PCDHA2: variants seen among roughly 807,000 people sequenced by gnomAD.
PCDHA2 encodes the protein protocadherin alpha-2.
In PCDHA2, 58 loss-of-function variants were observed where a neutral mutation model predicts 66.0. The ratio of observed to expected loss-of-function variants is 0.88; its 90% CI spans 0.71 to 1.09. The LOEUF is 1.09. Among genes scored for constraint, PCDHA2 ranks in the 50% least tolerant of loss-of-function variants. The pLI, the probability that PCDHA2 is intolerant of heterozygous loss-of-function variation, is 0.00. For synonymous variants in PCDHA2, 634 were observed against 554.0 expected, an observed-to-expected ratio of 1.14 and a Z score of -2.03; for missense variants, 1,267 against 1,242.3, an observed-to-expected ratio of 1.02 and a Z score of -0.30.
intron 1 of PCDHA2, chr5:140,847,643 G>C (rs1219551940): frequency 6.7e-6 from 1 of 149,570 alleles, no homozygotes; most frequent in East Asian, 1.9e-4. Context: ...CTACAAAGAA[G>C]AGATTATTCA....
intron 3 of PCDHA2, among the ~76,000 whole-genome samples, chr5:140,995,476 A>G (rs2097685199): frequency 6.6e-6 from 1 of 152,210 alleles, no homozygotes; most frequent in Non-Finnish European, 1.5e-5. Flanking sequence ...TTTTTCATTT[A>G]ATATTTTCAG....
intron 1 of PCDHA2, chr5:140,858,649 AT>A: frequency 1.2e-6 from 1 of 824,582 alleles, no homozygotes; most frequent in East Asian, 2.7e-5. Flanking sequence ...TGGTACTTAA[AT>A]TTTTTTAAAT....
At chr5:140,838,290 T>TC (rs1775657451) in intron 1 of PCDHA2, among the ~76,000 whole-genome samples, 2 of 150,172 alleles carry the variant, frequency 1.3e-5, no homozygotes, top group Non-Finnish European at 3.0e-5. Flanking sequence ...ATTTTTTTTT[T>TC]TTTTTGTATT....
intron 1 of PCDHA2, chr5:140,830,393 G>T (rs1388629889): frequency 4.3e-6 from 7 of 1,614,072 alleles, no homozygotes; most frequent in African/African-American, 1.3e-5. Flanking sequence ...ACCCAAGATG[G>T]ATCTCATGGC....
At chr5:140,843,038 A>T in intron 1 of PCDHA2, 1 of 1,595,166 alleles carries the variant, frequency 6.3e-7, no homozygotes, top group Non-Finnish European at 8.6e-7. Flanking sequence ...GGTGGGTGGC[A>T]CTGGTGGCGC....
chr5:140,864,004 A>G (rs1042382501), intron 1 of PCDHA2: 4 of 153,124 alleles, frequency 2.6e-5, no homozygotes, highest in Non-Finnish European at 4.4e-5. Context: ...CTGTCTTAAA[A>G]AAAAAAGTAC....
At chr5:140,801,198 ATGT>A (rs1554121309) in intron 1 of PCDHA2, 3 of 1,594,388 alleles carry the variant, frequency 1.9e-6, no homozygotes, top group Admixed American at 1.8e-5. Context: ...AATACTTGCA[ATGT>A]TGTTCTCCTG....
intron 1 of PCDHA2, chr5:140,825,329 C>T (rs1171364068): frequency 6.9e-6 from 1 of 145,626 alleles, no homozygotes; most frequent in South Asian, 2.1e-4. Flanking sequence ...TGGAAATTTG[C>T]ATATTTTTCA....
chr5:140,841,839 G>A, intron 1 of PCDHA2: 1 of 1,613,898 alleles, frequency 6.2e-7, no homozygotes, highest in Middle Eastern at 1.6e-4. Context: ...TACAGGCTTA[G>A]CTCTCATGAT....
intron 1 of PCDHA2, chr5:140,828,238 G>C (rs2150152865): frequency 6.2e-7 from 1 of 1,613,936 alleles, no homozygotes; most frequent in African/African-American, 1.3e-5. Flanking sequence ...GCCGGATCGC[G>C]CAGGACCTGG....
intron 1 of PCDHA2, chr5:140,875,303 C>T (rs2055408923): frequency 2.1e-6 from 3 of 1,414,848 alleles, no homozygotes; most frequent in Admixed American, 2.9e-5. Context: ...TTTTTCTCCG[C>T]ACCCACATTC....
intron 1 of PCDHA2, among the ~76,000 whole-genome samples, chr5:140,916,285 G>A (rs530335868): frequency 1.2e-4 from 18 of 152,154 alleles, no homozygotes; most frequent in Non-Finnish European, 2.4e-4. Flanking sequence ...TCTACTCCAC[G>A]TGGCCAAACT....
chr5:140,946,936 A>T (rs1344601116), intron 1 of PCDHA2, among the ~76,000 whole-genome samples: 1 of 151,482 alleles, frequency 6.6e-6, no homozygotes, highest in Non-Finnish European at 1.5e-5. Context: ...AGTAGAGTGT[A>T]GTTAAGAATA....
chr5:140,991,374 G>A (rs537981449), intron 3 of PCDHA2, among the ~76,000 whole-genome samples: 2 of 152,286 alleles, frequency 1.3e-5, no homozygotes, highest in South Asian at 4.1e-4. Context: ...TGAGTTCTAG[G>A]CCAACTGTAG....
chr5:140,832,274 T>C (rs1771890474), intron 1 of PCDHA2, among the ~76,000 whole-genome samples: 1 of 152,194 alleles, frequency 6.6e-6, no homozygotes, highest in Admixed American at 6.5e-5. Flanking sequence ...TAGACTACAT[T>C]AAGCATGAAT....
chr5:140,935,280 G>A (rs1039041502), intron 1 of PCDHA2, among the ~76,000 whole-genome samples: 2 of 152,114 alleles, frequency 1.3e-5, no homozygotes, highest in Admixed American at 6.5e-5. Context: ...ATCTAATAAA[G>A]TTCAGCACTC....
At chr5:140,918,971 T>C (rs1342049692) in intron 1 of PCDHA2, among the ~76,000 whole-genome samples, 3 of 152,234 alleles carry the variant, frequency 2.0e-5, no homozygotes, top group Admixed American at 6.5e-5. Flanking sequence ...AGATATCGTT[T>C]AGGTTAGTTG....
chr5:140,813,372 G>A (rs2126646114), intron 1 of PCDHA2: 1 of 152,238 alleles, frequency 6.6e-6, no homozygotes, highest in African/African-American at 2.4e-5. Flanking sequence ...TACAGACCTA[G>A]GTTACATGAT....
chr5:140,928,066 G>A lies in PCDHA2; in HGVS notation c.2389-50883G>A, dbSNP rs376048656. On this transcript the variant is annotated intron_variant, in intron 1 of 3. Transcript: ENST00000526136. ...CCCTTTTCAGCTGACGGCTTCCTTT[G>A]ACAACTACTACAGCCTGCTGATTGA... 8.7e-6 allele frequency: 14 copies of A among 1,614,036 alleles called. No individual in the cohort carries two copies. In the African/African-American group the frequency reaches 1.9e-4, roughly 22 times the overall value.
Sources: allele counts gnomAD v4.1 joint callset (sites outside exome capture counted in the v4.1 genomes callset), GRCh38; gene constraint gnomAD v4.1.1; transcripts MANE v1.5; gene names NCBI Gene and HGNC (gene_info 2026-07-23, HGNC 2026-07-21).